RPN2: variants seen among roughly 807,000 people sequenced by gnomAD.
The protein encoded by RPN2 is ribophorin II, also known as dolichyl-diphosphooligosaccharide--protein glycosyltransferase subunit 2.
In RPN2, 29 loss-of-function variants were observed where a neutral mutation model predicts 71.4. The ratio of observed to expected loss-of-function variants is 0.41; its 90% CI spans 0.30 to 0.55. The LOEUF (loss-of-function observed/expected upper bound fraction) is 0.55, where lower values mean the gene tolerates loss of function less well. Ranked by LOEUF, RPN2 falls within the 20% of genes least tolerant of loss-of-function variation. RPN2 has a pLI of 0.35. For missense variants in RPN2, 726 were observed against 774.1 expected (o/e 0.94, Z 0.74); for synonymous variants, 308 against 305.0 (o/e 1.01, Z -0.10).
At chr20:37,202,723 G>T (rs1192531249) in intron 4 of RPN2, among the ~76,000 whole-genome samples, 2 of 152,132 alleles carry the variant, frequency 1.3e-5, no homozygotes, top group African/African-American at 4.8e-5. Flanking sequence ...CCATAAAAAA[G>T]AATGAAGTGC....
intron 2 of RPN2, among the ~76,000 whole-genome samples, chr20:37,194,530 G>A (rs1005449586): frequency 2.6e-5 from 4 of 152,216 alleles, no homozygotes; most frequent in Non-Finnish European, 2.9e-5. Flanking sequence ...CCAAAGTGCT[G>A]GGATCACAGG....
chr20:37,205,866 T>A (rs1429120682), intron 6 of RPN2, among the ~76,000 whole-genome samples: 1 of 152,208 alleles, frequency 6.6e-6, no homozygotes, highest in Non-Finnish European at 1.5e-5. Context: ...GATGAATTAA[T>A]GATATTGTAC....
chr20:37,199,155 C>T lies in RPN2; in HGVS notation c.409C>T (p.Leu137Phe). 7.4e-6 allele frequency: 12 copies of T among 1,614,224 alleles called. No individual in the cohort carries two copies. The highest frequency in any genetic ancestry group is 1.0e-5 in the Non-Finnish European group (12 of 1,180,038). ...HAVAALSGFG[L>F]PLASQEALSA... is the part of the protein sequence containing the mutation. ...AGTTGCAGCTCTAAGTGGCTTTGGC[C>T]TTCCCTTGGCATCCCAAGAAGCACT... Residue 137 changes from leucine to phenylalanine, a missense_variant, in exon 4 of 17, where the codon CTT becomes TTT. Coordinates refer to ENST00000237530, the MANE Select transcript of RPN2 (RefSeq NM_002951.5).
At chr20:37,231,744 AG>A (rs2068255088) in intron 13 of RPN2, among the ~76,000 whole-genome samples, 1 of 151,196 alleles carries the variant, frequency 6.6e-6, no homozygotes, top group Admixed American at 6.6e-5. Context: ...GAGAGCGGGA[AG>A]TTCGTTTAGG....
chr20:37,193,024 A>G (rs981458831), intron 2 of RPN2, among the ~76,000 whole-genome samples: 2 of 152,192 alleles, frequency 1.3e-5, no homozygotes, highest in African/African-American at 4.8e-5. Context: ...ACTACTCAGG[A>G]GGCTGAGGAT....
rs11467214 is a variant in RPN2 at position 37,179,387 on chromosome 20, G to GCTTATAGACAGGGCCCCGCGGCCGGCACT, written c.13+21_13+22insATAGACAGGGCCCCGCGGCCGGCACTCTT. The GCTTATAGACAGGGCCCCGCGGCCGGCACT allele has an allele frequency of 0.8, 1,203,967 of 1,507,500 alleles. 483,994 individuals carry two copies. Among genetic ancestry groups the GCTTATAGACAGGGCCCCGCGGCCGGCACT allele is most frequent in the African/African-American group, 0.94 (68,305 of 72,348 alleles). The allele number at this position is 1,507,500 out of a possible 1,614,324, so 93.4% of individuals were successfully genotyped here. On this transcript the variant is annotated intron_variant, in intron 1 of 16. Transcript: ENST00000237530. Reference sequence around the variant, plus strand: ...GCCGCCGGGTGAGGAGTTGCGCGTGGCTTTGGGGAGAGGGCTGTCGCCCGC... The same window carrying GCTTATAGACAGGGCCCCGCGGCCGGCACT: ...GCCGCCGGGTGAGGAGTTGCGCGTGGCTTATAGACAGGGCCCCGCGGCCGGCACTCTTTGGGGAGAGGGCTGTCGCCCGC...
At chr20:37,227,486 T>A (rs1254397827) in intron 11 of RPN2, among the ~76,000 whole-genome samples, 4 of 152,218 alleles carry the variant, frequency 2.6e-5, no homozygotes, top group African/African-American at 7.2e-5. Flanking sequence ...ATTCCATTCC[T>A]GGCCAAGACT....
chr20:37,226,514 A>G (rs2068081553), intron 11 of RPN2, among the ~76,000 whole-genome samples: 1 of 152,126 alleles, frequency 6.6e-6, no homozygotes, highest in Non-Finnish European at 1.5e-5. Context: ...GTGAGACCTC[A>G]TTTGTGTGTA....
At chr20:37,222,144 G>A (rs1033589601) in intron 9 of RPN2, among the ~76,000 whole-genome samples, 3 of 152,150 alleles carry the variant, frequency 2.0e-5, no homozygotes, top group Non-Finnish European at 2.9e-5. Flanking sequence ...TGAGCCTTGC[G>A]TGAGTTGTAA....
At chr20:37,231,877 A>G (rs930841845) in intron 13 of RPN2, among the ~76,000 whole-genome samples, 1 of 152,198 alleles carries the variant, frequency 6.6e-6, no homozygotes, top group Non-Finnish European at 1.5e-5. Flanking sequence ...TAAGTGGGGC[A>G]GCAGCATTTG....
At chr20:37,225,937 A>C in intron 11 of RPN2, 135 bp downstream of exon 11, 1 of 717,812 alleles carries the variant, frequency 1.4e-6, no homozygotes, top group Non-Finnish European at 2.5e-6. Context: ...CTGACAGTCC[A>C]TCAGGTTCTC....
intron 2 of RPN2, among the ~76,000 whole-genome samples, chr20:37,193,391 A>G (rs1047537916): frequency 6.6e-6 from 1 of 152,180 alleles, no homozygotes; most frequent in Admixed American, 6.5e-5. Context: ...CGGAGGATAG[A>G]GAGCAGGTTA....
intron 9 of RPN2, among the ~76,000 whole-genome samples, chr20:37,219,638 A>T (rs1053392140): frequency 1.3e-5 from 2 of 152,236 alleles, no homozygotes; most frequent in African/African-American, 2.4e-5. Context: ...AGATGCCATT[A>T]TGTAATCCAA....
intron 6 of RPN2, among the ~76,000 whole-genome samples, 200 bp from the exon 7 acceptor site, chr20:37,207,062 AAAGGAAGATGG>A (rs1212110449): frequency 1.3e-5 from 2 of 152,194 alleles, no homozygotes; most frequent in African/African-American, 4.8e-5. Context: ...TTCAGTTTAT[AAAGGAAGATGG>A]AAAAAAAAAC....
rs368344384 is a variant in RPN2, at chr20:37,218,394, CAG to C, written c.1092+4532_1092+4533del. 6.3e-3 allele frequency among the ~76,000 whole-genome samples: 958 copies of C among 152,006 alleles called. 13 individuals are homozygous for C. The highest frequency in any genetic ancestry group is 0.022 in the African/African-American group (928 of 41,444). On this transcript the variant is annotated intron_variant, in intron 9 of 16. Transcript: ENST00000237530. Reference sequence around the variant, plus strand: ...CACTACTGCACTCTAGCCTGGGCAACAGAGTGAGACCTTGTCTCAAAAAAACA... The same window carrying C: ...CACTACTGCACTCTAGCCTGGGCAACAGTGAGACCTTGTCTCAAAAAAACA...
rs374920536 is a variant in RPN2, at chr20:37,207,253, G to A, written c.691-20G>A. On this transcript the variant is annotated intron_variant, in intron 6 of 16. Transcript: ENST00000237530. ...TCCCAGCAGAGGAAGAGAAACAGCT[G>A]CATTTCGCATTTCTTTCAGGATCAG... 3.0e-5 allele frequency: 48 copies of A among 1,605,406 alleles called. No homozygotes were observed. The African/African-American group carries it at 3.7e-4, about 13-fold the overall frequency.
intron 16 of RPN2, chr20:37,238,559 C>A: frequency 1.3e-6 from 1 of 780,586 alleles, no homozygotes; most frequent in Non-Finnish European, 2.3e-6. Context: ...TCCTCCCACC[C>A]CTCCCTAAGC....
chr20:37,196,847 A>G (rs2067267312), intron 2 of RPN2, among the ~76,000 whole-genome samples: 1 of 152,168 alleles, frequency 6.6e-6, no homozygotes, highest in Non-Finnish European at 1.5e-5. Flanking sequence ...CCTTTGTGCC[A>G]GTCACTGTGA....
In RPN2 at chr20:37,213,789, T is replaced by G; in HGVS notation, c.1016T>G (p.Val339Gly). 2 of 1,614,138 alleles carry G rather than the reference T, an allele frequency of 1.2e-6. No homozygotes were observed. The highest frequency in any genetic ancestry group is 2.2e-5 in the East Asian group (1 of 44,886). ...GTTTTTGAACTAAATTTCATGAACG[T>G]CAAATTTTCCAGTGGTTATTATGAC... ...GDVFELNFMN[V>G]KFSSGYYDFL... The change falls in exon 9 of 17, where the codon GTC (valine) becomes GGC (glycine). Residue 339 changes from valine to glycine, a missense_variant. Transcript: ENST00000237530.
Sources: allele counts gnomAD v4.1 joint callset (sites outside exome capture counted in the v4.1 genomes callset), GRCh38; gene constraint gnomAD v4.1.1; transcripts MANE v1.5; gene names NCBI Gene and HGNC (gene_info 2026-07-23, HGNC 2026-07-21).